The following WWOX variants were observed in gnomAD, a reference collection of about 807,000 sequenced individuals.
The protein encoded by WWOX is WW domain-containing oxidoreductase.
WWOX carries 69 observed loss-of-function variants against 46.2 expected under a neutral mutation model. That is an observed-to-expected ratio of 1.49 (90% CI 1.23 to 1.82). The LOEUF (loss-of-function observed/expected upper bound fraction) is 1.82, where lower values mean the gene tolerates loss of function less well. Among genes scored for constraint, WWOX ranks in the 40% most tolerant of loss-of-function variants. WWOX has a pLI of 0.00. For missense variants in WWOX, 919 were observed against 542.6 expected (o/e 1.69, Z -6.89); for synonymous variants, 359 against 202.6 (o/e 1.77, Z -6.56).
At chr16:78,119,504 C>G (rs1224718589) in intron 4 of WWOX, among the ~76,000 whole-genome samples, 2 of 152,140 alleles carry the variant, frequency 1.3e-5, no homozygotes, top group African/African-American at 2.4e-5. Flanking sequence ...ACCACCTACT[C>G]TGTTCATTGT....
At chr16:78,390,185 C>G (rs1414611516) in intron 6 of WWOX, among the ~76,000 whole-genome samples, 1 of 152,220 alleles carries the variant, frequency 6.6e-6, no homozygotes, top group Non-Finnish European at 1.5e-5. Context: ...TGAGATCTCA[C>G]AATTCACTGC....
At chr16:78,464,775 C>G (rs1169243237) in intron 8 of WWOX, among the ~76,000 whole-genome samples, 1 of 152,142 alleles carries the variant, frequency 6.6e-6, no homozygotes, top group Admixed American at 6.6e-5. Flanking sequence ...GAAATGGCCA[C>G]TGCAACTCTC....
At chr16:78,959,929 A>G (rs2046241571) in intron 8 of WWOX, among the ~76,000 whole-genome samples, 1 of 152,224 alleles carries the variant, frequency 6.6e-6, no homozygotes, top group African/African-American at 2.4e-5. Flanking sequence ...TGACCTAAGT[A>G]ATTCTCATTT....
chr16:78,133,031 A>G lies in WWOX; in HGVS notation c.409+17877A>G, dbSNP rs141028257. 2.7e-3 allele frequency among the ~76,000 whole-genome samples: 417 copies of G among 152,292 alleles called. 3 individuals are homozygous for G. The highest frequency in any genetic ancestry group is 0.017 in the Middle Eastern group (5 of 294). The stretch of plus-strand genomic sequence containing the variant: ...ATGGTATTTGGATCTACAAATTCCA[A>G]GCAAACTTTTTACTTCTTATTATGT... On this transcript the variant is annotated intron_variant, in intron 4 of 8. Coordinates refer to ENST00000566780, the MANE Select transcript of WWOX (RefSeq NM_016373.4).
chr16:78,395,232 T>C (rs990287579), intron 6 of WWOX, among the ~76,000 whole-genome samples: 2 of 152,152 alleles, frequency 1.3e-5, no homozygotes, highest in Non-Finnish European at 2.9e-5. Context: ...CACAATCGTT[T>C]GAGAGGACAC....
chr16:78,368,972 C>T (rs1459371401), intron 5 of WWOX, among the ~76,000 whole-genome samples: 1 of 152,142 alleles, frequency 6.6e-6, no homozygotes, highest in Non-Finnish European at 1.5e-5. Flanking sequence ...CTGCCTTTCT[C>T]TGCATTTCTC....
intron 5 of WWOX, among the ~76,000 whole-genome samples, chr16:78,340,949 G>A (rs184562245): frequency 8.4e-6 from 1 of 119,056 alleles, no homozygotes; most frequent in Admixed American, 8.2e-5. Context: ...TGGGCTGAGT[G>A]GGGAGGGATT....
At chr16:78,319,393 T>A (rs2080419345) in intron 5 of WWOX, among the ~76,000 whole-genome samples, 1 of 152,148 alleles carries the variant, frequency 6.6e-6, no homozygotes, top group Non-Finnish European at 1.5e-5. Flanking sequence ...CCTAAGTAGC[T>A]GGGACTACAG....
chr16:79,171,063 A>G (rs77131863), intron 8 of WWOX, among the ~76,000 whole-genome samples: 3,145 of 152,324 alleles, frequency 0.021, 106 homozygotes, highest in African/African-American at 0.071. Flanking sequence ...AAGAGGAACT[A>G]TGTTTATTCA....
intron 8 of WWOX, among the ~76,000 whole-genome samples, chr16:78,633,646 C>T (rs1274669920): frequency 4.6e-5 from 7 of 152,140 alleles, no homozygotes; most frequent in African/African-American, 1.7e-4. Flanking sequence ...GCTGCAAGGC[C>T]CGCTTCTCAA....
At chr16:78,471,428 T>TGTGCA (rs1316054596) in intron 8 of WWOX, among the ~76,000 whole-genome samples, 3 of 152,212 alleles carry the variant, frequency 2.0e-5, no homozygotes, top group African/African-American at 7.2e-5. Context: ...GGAACAGTCC[T>TGTGCA]GTGCAGTGTT....
chr16:78,112,046 C>T (rs959141270), intron 3 of WWOX: 2 of 152,378 alleles, frequency 1.3e-5, no homozygotes, highest in African/African-American at 4.8e-5. Context: ...TGGCCCCCAC[C>T]CTGGGCCCAG....
chr16:78,272,243 G>C (rs973683692), intron 5 of WWOX, among the ~76,000 whole-genome samples: 3 of 152,200 alleles, frequency 2.0e-5, no homozygotes, highest in East Asian at 3.9e-4. Context: ...TGGCACTTCA[G>C]CTGGTCCAGG....
intron 8 of WWOX, among the ~76,000 whole-genome samples, chr16:79,066,098 C>G (rs575168622): frequency 6.6e-6 from 1 of 152,296 alleles, no homozygotes; most frequent in South Asian, 2.1e-4. Context: ...TGTCTCCTGT[C>G]TCCTGCTTTT....
At chr16:78,602,196 C>A (rs1451236362) in intron 8 of WWOX, among the ~76,000 whole-genome samples, 1 of 151,998 alleles carries the variant, frequency 6.6e-6, no homozygotes, top group African/African-American at 2.4e-5. Context: ...CAGTATTTTC[C>A]CATTCGTATT....
chr16:78,795,785 G>A (rs2142623540), intron 8 of WWOX, among the ~76,000 whole-genome samples: 1 of 152,222 alleles, frequency 6.6e-6, no homozygotes, highest in South Asian at 2.1e-4. Context: ...TCTAGCTAAT[G>A]TCCTTGAGGA....
At chr16:78,801,524 C>G (rs1245050082) in intron 8 of WWOX, among the ~76,000 whole-genome samples, 1 of 152,140 alleles carries the variant, frequency 6.6e-6, no homozygotes, top group Admixed American at 6.5e-5. Context: ...TAAAGAAACC[C>G]TTGCTATTTT....
At chr16:78,944,403 C>T (rs1156519515) in intron 8 of WWOX, among the ~76,000 whole-genome samples, 5 of 152,174 alleles carry the variant, frequency 3.3e-5, no homozygotes, top group African/African-American at 1.2e-4. Flanking sequence ...TTTGTTGCAT[C>T]AGTTGAATGG....
chr16:78,693,003 AAG>A (rs2048025528), intron 8 of WWOX, among the ~76,000 whole-genome samples: 1 of 152,198 alleles, frequency 6.6e-6, no homozygotes, highest in African/African-American at 2.4e-5. Context: ...GCATCCACGG[AAG>A]AGTTTGAAAG....
Sources: gnomAD v4.1 joint callset for allele counts (sites outside exome capture counted in the v4.1 genomes callset) on GRCh38, gnomAD v4.1.1 for gene constraint, MANE v1.5 for transcripts, NCBI Gene and HGNC (gene_info 2026-07-23, HGNC 2026-07-21) for gene names.